The following KIFC3 variants were observed in gnomAD, a reference collection of about 807,000 sequenced individuals.
KIFC3 encodes the protein kinesin-like protein KIFC3.
Under a neutral mutation model 101.8 loss-of-function variants are expected in KIFC3, and 60 were observed. The ratio of observed to expected loss-of-function variants is 0.59; its 90% CI spans 0.48 to 0.73. The LOEUF (loss-of-function observed/expected upper bound fraction) is 0.73. Ranked by LOEUF, KIFC3 falls within the 30% of genes least tolerant of loss-of-function variation. The pLI, the probability that KIFC3 is intolerant of heterozygous loss-of-function variation, is 0.00. For synonymous variants in KIFC3, 476 were observed against 482.7 expected (o/e 0.99, Z 0.18); for missense variants, 966 against 1,137.1 (o/e 0.85, Z 2.16).
intron 3 of KIFC3, among the ~76,000 whole-genome samples, chr16:57,785,899 C>T (rs1277800755): frequency 1.3e-5 from 2 of 152,048 alleles, no homozygotes; most frequent in Non-Finnish European, 2.9e-5. Flanking sequence ...TACCTGGATC[C>T]GGACTTAAGA....
chr16:57,785,428 G>C, intron 3 of KIFC3: 1 of 1,245,786 alleles, frequency 8.0e-7, no homozygotes, highest in Non-Finnish European at 1.0e-6. Flanking sequence ...TCCATAGTGG[G>C]CAGTGGCCTC....
intron 1 of KIFC3, among the ~76,000 whole-genome samples, chr16:57,827,899 G>A (rs575906475): frequency 1.3e-5 from 2 of 152,328 alleles, no homozygotes; most frequent in South Asian, 2.1e-4. Flanking sequence ...CTACACACCA[G>A]GTGCCTATTG....
At chr16:57,785,389 A>C in intron 3 of KIFC3, 1 of 896,508 alleles carries the variant, frequency 1.1e-6, no homozygotes, top group South Asian at 2.0e-5. Context: ...TGGTGGGGTC[A>C]GGTGCCCAGG....
At chr16:57,846,669 C>T (rs530939876) in intron 1 of KIFC3, 13 of 152,350 alleles carry the variant, frequency 8.5e-5, no homozygotes, top group African/African-American at 3.1e-4. Context: ...AGAAGTGTCA[C>T]CCCTGCAGCT....
chr16:57,771,185 G>T lies in KIFC3; in HGVS notation c.765+13C>A. 1 of 1,611,316 alleles carries T rather than the reference G, an allele frequency of 6.2e-7. No individual in the cohort carries two copies. The highest frequency in any genetic ancestry group is 8.5e-7 in the Non-Finnish European group (1 of 1,179,534). ...CTTGGGCTGAGGCACAGATCAGGTG[G>T]GCCAGGGCTCACCTTGACAGGTGGG... On this transcript the variant is annotated intron_variant, in intron 6 of 19. Transcript: ENST00000445690.
intron 16 of KIFC3, 82 bp downstream of exon 16, chr16:57,760,644 C>A: frequency 7.5e-7 from 1 of 1,331,006 alleles, no homozygotes; most frequent in South Asian, 1.2e-5. Flanking sequence ...GGTCCATTTG[C>A]ACAGCCTGGG....
chr16:57,786,161 C>T (rs1555617653), intron 3 of KIFC3, among the ~76,000 whole-genome samples: 1 of 152,016 alleles, frequency 6.6e-6, no homozygotes, highest in African/African-American at 2.4e-5. Context: ...CCAGGGGAGC[C>T]GTGTGTATGT....
At chr16:57,834,006 G>A (rs554312845) in intron 1 of KIFC3, among the ~76,000 whole-genome samples, 18 of 151,680 alleles carry the variant, frequency 1.2e-4, no homozygotes, top group Non-Finnish European at 2.5e-4. Context: ...GGGATTACAG[G>A]CGCGTGCCAC....
intron 12 of KIFC3, among the ~76,000 whole-genome samples, chr16:57,762,634 C>T (rs568908754): frequency 3.9e-5 from 6 of 152,194 alleles, no homozygotes; most frequent in South Asian, 4.1e-4. Context: ...CCCAGAAAGG[C>T]GCTCAGTCTC....
intron 1 of KIFC3, among the ~76,000 whole-genome samples, chr16:57,855,270 G>A (rs780763292): frequency 1.2e-4 from 18 of 151,876 alleles, no homozygotes; most frequent in South Asian, 4.2e-4. Context: ...GATTACAGGC[G>A]TGCCCCACCA....
intron 3 of KIFC3, among the ~76,000 whole-genome samples, chr16:57,780,802 G>A (rs1359341877): frequency 6.7e-6 from 1 of 148,832 alleles, no homozygotes; most frequent in Non-Finnish European, 1.5e-5. Context: ...AGCCTCCCTA[G>A]TAGCTGGACT....
At chr16:57,832,109 C>CTCCAGGGT (rs1302722682) in intron 1 of KIFC3, among the ~76,000 whole-genome samples, 5 of 152,072 alleles carry the variant, frequency 3.3e-5, no homozygotes, top group Admixed American at 6.6e-5. Flanking sequence ...CAACATCCAC[C>CTCCAGGGT]TCCTGGGTTC....
chr16:57,854,094 A>G (rs1279925342), intron 1 of KIFC3, among the ~76,000 whole-genome samples: 2 of 151,748 alleles, frequency 1.3e-5, no homozygotes, highest in African/African-American at 4.8e-5. Context: ...GGTGCACACC[A>G]TCACACCCAG....
rs782656076 is a variant in KIFC3, at chr16:57,758,344, A to AT, written c.*589dup. ...GCCAGGCAGGTGAGCGAGCAGCAGA[A>AT]TCCCCCACCCGCTGGCTGCCTCTGC... On this transcript the variant is annotated 3_prime_UTR_variant, in exon 20 of 20. Transcript: ENST00000445690. 3.6e-6 allele frequency: 1 copy of AT among 277,786 alleles called. No homozygotes were observed. Among genetic ancestry groups the AT allele is most frequent in the Non-Finnish European group, 7.0e-6 (1 of 141,900 alleles). 17.2% of individuals were successfully genotyped at this position (277,786 alleles called of 1,614,324 possible).
chr16:57,759,957 G>T, intron 17 of KIFC3, 121 bp from the exon 18 acceptor site: 1 of 709,312 alleles, frequency 1.4e-6, no homozygotes, highest in Non-Finnish European at 2.3e-6. Context: ...CTGCAAAATG[G>T]GCATGATGTT....
At position 57,765,559 on chromosome 16, in the gene KIFC3, A is replaced by G; in HGVS notation, c.1412T>C (p.Phe471Ser). Residue 471 changes from phenylalanine to serine, a missense_variant, in exon 11 of 20, where the codon TTC (phenylalanine) becomes TCC (serine). Around this residue, in one of 2 missense-constraint regions of KIFC3, gnomAD observed 689 missense variants for 884.6 expected, o/e 0.78. Coordinates refer to ENST00000445690, the MANE Select transcript of KIFC3 (RefSeq NM_001130100.2). Reference sequence around the variant, plus strand: ...GATGATGGAGTCGTCGTCGGCATCGAAAGTCACAGCATTGGTGGCCTCAGG... The same window carrying G: ...GATGATGGAGTCGTCGTCGGCATCGGAAGTCACAGCATTGGTGGCCTCAGG... Reference protein sequence around the residue: ...EGPEATNAVTFDADDDSIIHL... With the variant: ...EGPEATNAVTSDADDDSIIHL... 1 of 1,608,210 alleles carries G rather than the reference A, an allele frequency of 6.2e-7. No homozygotes were observed.
intron 1 of KIFC3, among the ~76,000 whole-genome samples, chr16:57,862,121 T>C (rs1050109791): frequency 4.6e-5 from 7 of 151,530 alleles, no homozygotes; most frequent in Non-Finnish European, 8.8e-5. Context: ...CTTTTTGACG[T>C]CCTTATTATT....
chr16:57,764,510 G>C, intron 11 of KIFC3: 1 of 478,144 alleles, frequency 2.1e-6, no homozygotes, highest in Middle Eastern at 5.8e-4. Flanking sequence ...CTCTCTCAAA[G>C]AGTGCTCAGC....
At chr16:57,816,088 G>A (rs2055216416) in intron 1 of KIFC3, 1 of 746,290 alleles carries the variant, frequency 1.3e-6, no homozygotes, top group South Asian at 1.8e-5. Context: ...CCCACAGGAA[G>A]GATGTGGTCA....
Sources: gnomAD v4.1 joint callset for allele counts (sites outside exome capture counted in the v4.1 genomes callset) on GRCh38, gnomAD v4.1.1 for gene constraint, gnomAD v4.1.1 regional missense constraint, MANE v1.5 for transcripts, NCBI Gene and HGNC (gene_info 2026-07-23, HGNC 2026-07-21) for gene names.